Variants in CEP63 observed in about 807,000 individuals in gnomAD.
The protein encoded by CEP63 is centrosomal protein of 63 kDa.
In CEP63, 84 loss-of-function variants were observed where a neutral mutation model predicts 89.1. The observed-to-expected ratio is 0.94, with a 90% CI of 0.79 to 1.13. The LOEUF (loss-of-function observed/expected upper bound fraction) is 1.13, where lower values mean the gene tolerates loss of function less well. CEP63 is among the 50% of genes most tolerant of loss of function. The pLI is 0.00. For missense variants in CEP63, 838 were observed against 813.3 expected, an observed-to-expected ratio of 1.03 and a Z score of -0.37; for synonymous variants, 267 against 272.5, an observed-to-expected ratio of 0.98 and a Z score of 0.20.
At chr3:134,759,588 CTGGCTAAAGTGG>C in the CEP63 span, among the ~76,000 whole-genome samples, 1 of 152,184 alleles carries the variant, frequency 6.6e-6, no homozygotes, top group Admixed American at 6.5e-5. Context: ...TGGAAAGAAC[CTGGCTAAAGTGG>C]TGGCTGCTAT....
At chr3:134,520,172 G>A (rs1345184452) in intron 3 of CEP63, among the ~76,000 whole-genome samples, 1 of 152,110 alleles carries the variant, frequency 6.6e-6, no homozygotes, top group Non-Finnish European at 1.5e-5. Flanking sequence ...CTTTGTTGGT[G>A]TACACAGAAA....
the CEP63 span, among the ~76,000 whole-genome samples, chr3:134,606,534 A>G: frequency 1.3e-5 from 2 of 152,156 alleles, no homozygotes; most frequent in African/African-American, 4.8e-5. Context: ...GTTCCCTGGC[A>G]GCTTCTCTCC....
intron 3 of CEP63, among the ~76,000 whole-genome samples, chr3:134,522,181 A>G (rs955416395): frequency 5.9e-5 from 9 of 152,122 alleles, no homozygotes; most frequent in African/African-American, 2.2e-4. Context: ...TTGTCAATAA[A>G]CAGGATATAT....
At chr3:134,714,143 A>G in the CEP63 span, among the ~76,000 whole-genome samples, 2 of 152,210 alleles carry the variant, frequency 1.3e-5, no homozygotes, top group East Asian at 1.9e-4. Flanking sequence ...GAGAAAATAC[A>G]TTAGACCAGT....
At chr3:134,771,615 GTA>G in the CEP63 span, among the ~76,000 whole-genome samples, 6 of 152,136 alleles carry the variant, frequency 3.9e-5, no homozygotes, top group African/African-American at 1.4e-4. Context: ...TATGTATAAG[GTA>G]TTCATACACT....
intron 3 of CEP63, chr3:134,510,629 G>A: frequency 3.1e-6 from 2 of 652,654 alleles, no homozygotes; most frequent in South Asian, 3.0e-5. Context: ...GAGGCGGGAA[G>A]CAAGAAGAGT....
chr3:134,511,892 C>T (rs1945051534), intron 3 of CEP63, among the ~76,000 whole-genome samples: 1 of 152,140 alleles, frequency 6.6e-6, no homozygotes, highest in Admixed American at 6.6e-5. Flanking sequence ...ACAGCCAAAC[C>T]ACATCAGTCA....
At chr3:134,755,191 C>T in the CEP63 span, among the ~76,000 whole-genome samples, 1 of 151,254 alleles carries the variant, frequency 6.6e-6, no homozygotes, top group Non-Finnish European at 1.5e-5. Context: ...TCAACATTCA[C>T]CTATCTGGTA....
the CEP63 span, among the ~76,000 whole-genome samples, chr3:134,737,639 T>C: frequency 6.6e-6 from 1 of 152,168 alleles, no homozygotes; most frequent in African/African-American, 2.4e-5. Flanking sequence ...GTTAGAAATT[T>C]GGAAAGGGCT....
At chr3:134,615,742 A>G in the CEP63 span, among the ~76,000 whole-genome samples, 102 of 152,194 alleles carry the variant, frequency 6.7e-4, no homozygotes, top group Middle Eastern at 3.2e-3. Context: ...AGGTTATCCA[A>G]TGAATCTGCA....
At chr3:134,774,239 G>C in the CEP63 span, among the ~76,000 whole-genome samples, 287 of 152,216 alleles carry the variant, frequency 1.9e-3, no homozygotes, top group African/African-American at 6.7e-3. Flanking sequence ...GTCTCTCTGG[G>C]TGATGCTGAT....
At chr3:134,661,613 G>T in the CEP63 span, among the ~76,000 whole-genome samples, 1 of 152,146 alleles carries the variant, frequency 6.6e-6, no homozygotes, top group East Asian at 1.9e-4. Flanking sequence ...AAGAGACAGA[G>T]CTGAATGACG....
the CEP63 span, among the ~76,000 whole-genome samples, chr3:134,657,460 A>AT: frequency 6.6e-5 from 10 of 151,984 alleles, no homozygotes; most frequent in Non-Finnish European, 7.4e-5. Flanking sequence ...TGGTATCATG[A>AT]TTTTTTTTCA....
downstream of CEP63, among the ~76,000 whole-genome samples, chr3:134,566,918 ATAT>A (rs1957787346): frequency 6.6e-6 from 1 of 152,234 alleles, no homozygotes; most frequent in Non-Finnish European, 1.5e-5. Context: ...AATCCTAAAT[ATAT>A]GCTCAAGAAA....
Position 134,558,351 on chromosome 3 carries a change from A to G in CEP63, c.1673+4A>G, listed in dbSNP as rs201341020. 1.0e-5 allele frequency: 16 copies of G among 1,574,686 alleles called. No homozygotes were observed. Among genetic ancestry groups the G allele is most frequent in the Admixed American group, 3.4e-5 (2 of 58,608 alleles). On this transcript the variant is annotated splice_donor_region_variant and intron_variant, in intron 13 of 14. Coordinates refer to ENST00000675561, the MANE Select transcript of CEP63 (RefSeq NM_001353108.3). Reference sequence around the variant, plus strand: ...AGTTCAAGAATACAGAGTTCAAGTAAAATTTTTTAAAAGTTTATTTAAAAT... The same window carrying G: ...AGTTCAAGAATACAGAGTTCAAGTAGAATTTTTTAAAAGTTTATTTAAAAT...
At chr3:134,636,404 C>T in the CEP63 span, among the ~76,000 whole-genome samples, 2 of 152,168 alleles carry the variant, frequency 1.3e-5, no homozygotes, top group Admixed American at 1.3e-4. Context: ...TTAGCACATG[C>T]CAGAAGTGAT....
chr3:134,689,221 C>T, the CEP63 span, among the ~76,000 whole-genome samples: 1 of 151,898 alleles, frequency 6.6e-6, no homozygotes, highest in Non-Finnish European at 1.5e-5. Context: ...TTCTTGTGGC[C>T]TCTTTTCTGT....
chr3:134,700,917 A>G, the CEP63 span, among the ~76,000 whole-genome samples: 18 of 152,116 alleles, frequency 1.2e-4, no homozygotes, highest in Admixed American at 7.9e-4. Context: ...CTGGTCTGCC[A>G]GTTTGCTTGT....
At chr3:134,674,356 C>G in the CEP63 span, among the ~76,000 whole-genome samples, 4 of 152,174 alleles carry the variant, frequency 2.6e-5, no homozygotes, top group Admixed American at 6.5e-5. Flanking sequence ...ATCATCTTAA[C>G]TGTTAGGAAA....
Sources: gnomAD v4.1 joint callset for allele counts (sites outside exome capture counted in the v4.1 genomes callset) on GRCh38, gnomAD v4.1.1 for gene constraint, MANE v1.5 for transcripts, NCBI Gene and HGNC (gene_info 2026-07-23, HGNC 2026-07-21) for gene names.